The following RNF125 variants were observed in gnomAD, a reference collection of about 807,000 sequenced individuals.
RNF125 encodes ring finger protein 125.
A neutral mutation model predicts 26.0 loss-of-function variants in RNF125; 21 were observed. The observed-to-expected ratio is 0.81, with a 90% CI of 0.57 to 1.16. RNF125 has a LOEUF of 1.16. Ranked by LOEUF, RNF125 falls within the 50% of genes most tolerant of loss-of-function variation. The probability of loss-of-function intolerance (pLI) is 0.00; values close to 1 mark genes in which losing one functional copy is unlikely to be tolerated. For missense variants in RNF125, 270 were observed against 299.4 expected, an observed-to-expected ratio of 0.90 and a Z score of 0.72; for synonymous variants, 95 against 109.2, an observed-to-expected ratio of 0.87 and a Z score of 0.81.
At chr18:32,078,402 T>C in the RNF125 span, among the ~76,000 whole-genome samples, 3 of 131,282 alleles carry the variant, frequency 2.3e-5, no homozygotes, top group Non-Finnish European at 1.8e-5. Flanking sequence ...ACTTTTTGAT[T>C]GTCACTGTCA....
the RNF125 span, among the ~76,000 whole-genome samples, chr18:32,088,715 G>A: frequency 0.012 from 1,872 of 152,240 alleles, 10 homozygotes; most frequent in Non-Finnish European, 0.02. Flanking sequence ...GTCCAGGCTG[G>A]TCACGAACTC....
chr18:32,075,474 A>T (rs554515763), downstream of RNF125, among the ~76,000 whole-genome samples: 7 of 152,244 alleles, frequency 4.6e-5, no homozygotes, highest in African/African-American at 1.7e-4. Flanking sequence ...TGGGTGGATC[A>T]CCTGAGGTCG....
At chr18:32,041,645 T>TTTTTTG (rs1242648581) in intron 2 of RNF125, among the ~76,000 whole-genome samples, 9 of 95,470 alleles carry the variant, frequency 9.4e-5, no homozygotes, top group African/African-American at 4.7e-4. Context: ...TTTTTTTTTT[T>TTTTTTG]TTTGAGACGG....
intron 5 of RNF125, among the ~76,000 whole-genome samples, chr18:32,067,078 C>T (rs1196891405): frequency 1.3e-5 from 2 of 152,150 alleles, no homozygotes; most frequent in African/African-American, 4.8e-5. Flanking sequence ...CGGTGAAACC[C>T]TGTCTCTACT....
At chr18:32,075,797 C>T (rs1412626683), downstream of RNF125, 3 of 548,614 alleles carry the variant, frequency 5.5e-6, no homozygotes, top group African/African-American at 1.9e-5. Flanking sequence ...GCTTAAAATG[C>T]TCCCAGGGCC....
At chr18:32,020,976 TA>T (rs1175732237) in intron 1 of RNF125, among the ~76,000 whole-genome samples, 3 of 152,212 alleles carry the variant, frequency 2.0e-5, no homozygotes, top group African/African-American at 7.2e-5. Context: ...TATAGCCTTG[TA>T]TCTGAAAAGC....
chr18:32,078,452 A>T, the RNF125 span, among the ~76,000 whole-genome samples: 100 of 152,226 alleles, frequency 6.6e-4, no homozygotes, highest in South Asian at 1.7e-3. Context: ...TATAGCTTAA[A>T]AATAATAATA....
intron 1 of RNF125, among the ~76,000 whole-genome samples, chr18:32,020,352 CTCTT>C (rs947296446): frequency 6.6e-6 from 1 of 151,286 alleles, no homozygotes. Context: ...CCAGCCTTCT[CTCTT>C]TGCTTTGATT....
rs1032101911 is a variant in RNF125 at position 32,058,548 on chromosome 18, G to A, written c.505-7354G>A. 8.5e-5 allele frequency among the ~76,000 whole-genome samples: 13 copies of A among 152,168 alleles called. 1 individual carries two copies. The South Asian group carries it at 2.5e-3, about 29-fold the overall frequency. On this transcript the variant is annotated intron_variant, in intron 4 of 5. Coordinates refer to ENST00000217740, the MANE Select transcript of RNF125 (RefSeq NM_017831.4). ...TTTAGTAGAGACAGGGTTTCACCACGTTGGTTAGGCTGGTCTCAAACTCCT... is the reference window on the plus strand; with the variant it reads ...TTTAGTAGAGACAGGGTTTCACCACATTGGTTAGGCTGGTCTCAAACTCCT...
At chr18:32,024,023 CAT>C (rs1306082668) in intron 1 of RNF125, among the ~76,000 whole-genome samples, 1 of 152,126 alleles carries the variant, frequency 6.6e-6, no homozygotes, top group East Asian at 1.9e-4. Context: ...ACAAGATTTA[CAT>C]ATCTTTTATA....
At position 32,068,294 on chromosome 18, in the gene RNF125, G is replaced by T. The variant is rs1238662445; in HGVS notation, c.613-4G>T. The T allele has an allele frequency of 6.7e-7, 1 of 1,481,936 alleles. No individual in the cohort carries two copies. Among genetic ancestry groups the T allele is most frequent in the South Asian group, 1.2e-5 (1 of 86,954 alleles). 91.8% of individuals were successfully genotyped at this position (1,481,936 alleles called of 1,614,324 possible). On this transcript the variant is annotated splice_polypyrimidine_tract_variant and splice_region_variant and intron_variant, in intron 5 of 5. Coordinates refer to ENST00000217740, the MANE Select transcript of RNF125 (RefSeq NM_017831.4). ...ATATTTCTAATTATTTTTCTTTATT[G>T]TAGGATTTTAATATAATTGAGGAAG... is the stretch of plus-strand genomic sequence containing the variant.
rs779716970 is a variant in RNF125, at chr18:32,042,146, CAGTG to C, written c.319-29_319-26del. On this transcript the variant is annotated intron_variant, in intron 2 of 5. Transcript: ENST00000217740. Reference sequence around the variant, plus strand: ...AAGCTTTCATTGAGCCCTTTTTTAACAGTGAGTTTATTTTGAATTTGTTTTTATG... The same window carrying C: ...AAGCTTTCATTGAGCCCTTTTTTAACAGTTTATTTTGAATTTGTTTTTATG... 39 of 1,493,444 alleles carry C rather than the reference CAGTG, an allele frequency of 2.6e-5. No individual in the cohort carries two copies. In the Middle Eastern group the frequency reaches 5.2e-4, roughly 20 times the overall value. 92.5% of individuals were successfully genotyped at this position (1,493,444 alleles called of 1,614,324 possible).
intron 4 of RNF125, among the ~76,000 whole-genome samples, chr18:32,055,089 G>A (rs1341853249): frequency 1.3e-5 from 2 of 151,822 alleles, no homozygotes; most frequent in Admixed American, 6.6e-5. Flanking sequence ...TTGACCCCAT[G>A]AGTTCAAGGC....
chr18:32,054,598 A>G lies in RNF125; in HGVS notation c.504+8866A>G, dbSNP rs75643841. On this transcript the variant is annotated intron_variant, in intron 4 of 5. Transcript: ENST00000217740. ...GGGAAGGAAAGTTATATCATTGAAAAAGAATTCTCATCTGATTCTGTGTAT... is the reference window on the plus strand; with the variant it reads ...GGGAAGGAAAGTTATATCATTGAAAGAGAATTCTCATCTGATTCTGTGTAT... Among the ~76,000 whole-genome samples the G allele has an allele frequency of 5.1e-3, 778 of 152,342 alleles. 9 individuals are homozygous for G. The highest frequency in any genetic ancestry group is 0.018 in the African/African-American group (743 of 41,584).
At chr18:32,023,246 A>T (rs896163416) in intron 1 of RNF125, among the ~76,000 whole-genome samples, 3 of 152,140 alleles carry the variant, frequency 2.0e-5, no homozygotes, top group African/African-American at 7.2e-5. Context: ...TCTGCCTCCC[A>T]GGTTCAAGTG....
rs1012188252 is a variant in RNF125, at chr18:32,036,118, C to A, written c.165-998C>A. On this transcript the variant is annotated intron_variant, in intron 1 of 5. Coordinates refer to ENST00000217740, the MANE Select transcript of RNF125 (RefSeq NM_017831.4). ...GCAGTGAGCTGAGATCGTGTCATTG[C>A]ACTCCAGCCTGGGTGACAAGAGCAA... Among the ~76,000 whole-genome samples the A allele has an allele frequency of 2.7e-5, 4 of 148,078 alleles. No individual in the cohort carries two copies. In the South Asian group the frequency reaches 8.5e-4, roughly 32 times the overall value.
chr18:32,025,048 A>T (rs760629512), intron 1 of RNF125, among the ~76,000 whole-genome samples: 2 of 151,980 alleles, frequency 1.3e-5, no homozygotes, highest in Non-Finnish European at 2.9e-5. Flanking sequence ...TGGGTGACAG[A>T]TTGAGAGTCG....
intron 1 of RNF125, among the ~76,000 whole-genome samples, 195 bp from the exon 2 acceptor site, chr18:32,036,906 CATGTGGTAAGAATGT>C (rs1022737622): frequency 1.8e-4 from 27 of 152,000 alleles, no homozygotes; most frequent in African/African-American, 6.3e-4. Context: ...TGTGAAAGTG[CATGTGGTAAGAATGT>C]GTGATTCTAA....
intron 2 of RNF125, among the ~76,000 whole-genome samples, chr18:32,041,278 GTT>G (rs997447546): frequency 2.0e-4 from 31 of 152,136 alleles, no homozygotes; most frequent in African/African-American, 7.5e-4. Flanking sequence ...TGTCTTTTAT[GTT>G]TGCTCTTAAT....
Sources: allele counts gnomAD v4.1 joint callset (sites outside exome capture counted in the v4.1 genomes callset), GRCh38; gene constraint gnomAD v4.1.1; transcripts MANE v1.5; gene names NCBI Gene and HGNC (gene_info 2026-07-23, HGNC 2026-07-21).